Variants in COL6A5 observed in about 807,000 individuals in gnomAD.
COL6A5 encodes the protein collagen alpha-5(VI) chain.
In COL6A5, 48 loss-of-function variants were observed where a neutral mutation model predicts 65.6. The ratio of observed to expected loss-of-function variants is 0.73; its 90% confidence interval spans 0.58 to 0.93. COL6A5 has a LOEUF of 0.93. Ranked by LOEUF, COL6A5 falls within the 40% of genes least tolerant of loss-of-function variation. The pLI, the probability that COL6A5 is intolerant of heterozygous loss-of-function variation, is 0.00. For missense variants in COL6A5, 914 were observed against 928.3 expected, an observed-to-expected ratio of 0.98 and a Z score of 0.20; for synonymous variants, 291 against 322.8, an observed-to-expected ratio of 0.90 and a Z score of 1.05.
At chr3:130,363,476 G>A (rs932992898) in intron 1 of COL6A5, among the ~76,000 whole-genome samples, 1 of 152,266 alleles carries the variant, frequency 6.6e-6, no homozygotes, top group Middle Eastern at 3.4e-3. Flanking sequence ...CCACTCTTGG[G>A]AGGGACAGGA....
chr3:130,407,651 C>A (rs1447167987), intron 17 of COL6A5, among the ~76,000 whole-genome samples: 1 of 152,186 alleles, frequency 6.6e-6, no homozygotes, highest in African/African-American at 2.4e-5. Context: ...AAATACCTAC[C>A]TCCATTCTGC....
Position 130,405,319 on chromosome 3 carries a change from G to A in COL6A5, c.4282-269G>A, listed in dbSNP as rs557293390. On this transcript the variant is annotated intron_variant and NMD_transcript_variant, in intron 13 of 41. Coordinates refer to the COL6A5 transcript ENST00000312481. ...TGAAGCCACTGTGCTGTTTGATCAGGTAGTGAAGTGGCTGAGCTCTTCTTG... is the reference window on the plus strand; with the variant it reads ...TGAAGCCACTGTGCTGTTTGATCAGATAGTGAAGTGGCTGAGCTCTTCTTG... Among the ~76,000 whole-genome samples the A allele has an allele frequency of 4.5e-4, 69 of 152,284 alleles. No homozygotes were observed. In the South Asian group the frequency reaches 0.012, roughly 26 times the overall value.
At chr3:130,412,053 C>CT (rs1278087526) in intron 20 of COL6A5, among the ~76,000 whole-genome samples, 3 of 152,074 alleles carry the variant, frequency 2.0e-5, no homozygotes, top group Non-Finnish European at 4.4e-5. Flanking sequence ...AGAATTTCAA[C>CT]TTATGTAAAT....
intron 8 of COL6A5, among the ~76,000 whole-genome samples, chr3:130,396,351 C>T (rs1936599413): frequency 6.6e-6 from 1 of 152,190 alleles, no homozygotes; most frequent in South Asian, 2.1e-4. Context: ...TCTTATATGT[C>T]CCATTTGCGG....
chr3:130,367,521 A>T (rs1411300110), intron 1 of COL6A5, among the ~76,000 whole-genome samples: 1 of 152,210 alleles, frequency 6.6e-6, no homozygotes. Flanking sequence ...AAGATGTATC[A>T]AACATACTTG....
rs1315027238 is a variant in COL6A5, at chr3:130,468,759, C to A, written c.1545-36C>A. Reference sequence around the variant, plus strand: ...GACTAGGAGCTCCAAGCTTATCTTTCCATTAAAAAGAATGACTTGAGTTAT... The same window carrying A: ...GACTAGGAGCTCCAAGCTTATCTTTACATTAAAAAGAATGACTTGAGTTAT... On this transcript the variant is annotated intron_variant, in intron 5 of 7. Transcript: ENST00000512836. 1.1e-5 allele frequency: 16 copies of A among 1,471,508 alleles called. No individual in the cohort carries two copies. The Admixed American group carries it at 1.9e-4, about 18-fold the overall frequency. The allele number at this position is 1,471,508 out of a possible 1,614,324, so 91.2% of individuals were successfully genotyped here. A position where few individuals can be genotyped will look rare whatever the true frequency, so the allele number is the denominator to read the frequency against.
chr3:130,458,698 TG>T (rs1433618018), intron 5 of COL6A5, among the ~76,000 whole-genome samples: 1 of 152,132 alleles, frequency 6.6e-6, no homozygotes, highest in African/African-American at 2.4e-5. Flanking sequence ...GAGTTCCAGG[TG>T]AAGTAGATTA....
chr3:130,382,062 GA>G (rs896897441), intron 4 of COL6A5, among the ~76,000 whole-genome samples: 2 of 149,404 alleles, frequency 1.3e-5, no homozygotes, highest in African/African-American at 2.5e-5. Flanking sequence ...AATGTAACCA[GA>G]AAAAAAAATG....
chr3:130,426,694 A>G (rs1414023092), upstream of COL6A5, among the ~76,000 whole-genome samples: 1 of 152,164 alleles, frequency 6.6e-6, no homozygotes. Flanking sequence ...TCACATTAGT[A>G]TAACAGTTAT....
chr3:130,462,685 A>T (rs983261693), intron 5 of COL6A5, among the ~76,000 whole-genome samples: 2 of 152,142 alleles, frequency 1.3e-5, no homozygotes, highest in African/African-American at 4.8e-5. Flanking sequence ...TATTCTGCTG[A>T]TAATCACTGT....
exon 9 of COL6A5, chr3:130,397,664 T>A: frequency 6.5e-7 from 1 of 1,549,710 alleles, no homozygotes; most frequent in South Asian, 1.2e-5. Flanking sequence ...CACCCCCAGC[T>A]GGAATCCTAC....
At chr3:130,416,728 A>G in intron 23 of COL6A5, 29 bp from the exon 24 acceptor site, 1 of 1,367,572 alleles carries the variant, frequency 7.3e-7, no homozygotes. Context: ...CTACGGTGCC[A>G]ACATTTTAGT....
At chr3:130,471,332 T>A (rs1416958117) in intron 7 of COL6A5, among the ~76,000 whole-genome samples, 1 of 151,900 alleles carries the variant, frequency 6.6e-6, no homozygotes, top group African/African-American at 2.4e-5. Context: ...AATAAAAACA[T>A]AAAAAACAAA....
intron 3 of COL6A5, among the ~76,000 whole-genome samples, chr3:130,378,189 T>G (rs1396934480): frequency 6.6e-6 from 1 of 152,128 alleles, no homozygotes; most frequent in Non-Finnish European, 1.5e-5. Flanking sequence ...GCATCTCCTC[T>G]TCAATACTCA....
chr3:130,395,933 T>G (rs1425417892), intron 8 of COL6A5, among the ~76,000 whole-genome samples: 1 of 152,196 alleles, frequency 6.6e-6, no homozygotes, highest in Non-Finnish European at 1.5e-5. Context: ...TGTATTTTTC[T>G]TCTTTTAATG....
At chr3:130,451,947 G>A (rs1239073187) in intron 4 of COL6A5, among the ~76,000 whole-genome samples, 1 of 152,140 alleles carries the variant, frequency 6.6e-6, no homozygotes, top group East Asian at 1.9e-4. Context: ...ATTCCCTGTG[G>A]AGACCAGTTC....
At chr3:130,416,636 C>G in intron 23 of COL6A5, 121 bp from the exon 24 acceptor site, 1 of 675,146 alleles carries the variant, frequency 1.5e-6, no homozygotes, top group Non-Finnish European at 2.6e-6. Context: ...GTGGCTGGAT[C>G]TTTTGTTAAG....
chr3:130,430,211 G>T (rs1266162814), upstream of COL6A5, among the ~76,000 whole-genome samples: 1 of 152,136 alleles, frequency 6.6e-6, no homozygotes, highest in African/African-American at 2.4e-5. Flanking sequence ...CCTTAATTCT[G>T]CAAAAATATA....
chr3:130,406,090 G>T, intron 15 of COL6A5, 41 bp from the exon 16 acceptor site: 2 of 1,548,012 alleles, frequency 1.3e-6, no homozygotes, highest in Non-Finnish European at 1.7e-6. Flanking sequence ...GTGTGGCAGA[G>T]ACCTGCTTTT....
Sources: gnomAD v4.1 joint callset for allele counts (sites outside exome capture counted in the v4.1 genomes callset) on GRCh38, gnomAD v4.1.1 for gene constraint, MANE v1.5 for transcripts, NCBI Gene and HGNC (gene_info 2026-07-23, HGNC 2026-07-21) for gene names.